Variants in DPYSL2 observed in about 807,000 individuals in gnomAD.
DPYSL2 encodes the protein dihydropyrimidinase-related protein 2.
In DPYSL2, 13 loss-of-function variants were observed where a neutral mutation model predicts 69.9. The ratio of observed to expected loss-of-function variants is 0.19; its 90% CI spans 0.12 to 0.30. The LOEUF is 0.30. DPYSL2 is among the 10% of genes least tolerant of loss of function. The pLI, the probability that DPYSL2 is intolerant of heterozygous loss-of-function variation, is 1.00. For synonymous variants in DPYSL2, 326 were observed against 359.1 expected (o/e 0.91, Z 1.04); for missense variants, 587 against 918.9 (o/e 0.64, Z 4.67).
intron 11 of DPYSL2, among the ~76,000 whole-genome samples, chr8:26,651,623 G>A (rs1320832090): frequency 2.6e-5 from 4 of 152,228 alleles, no homozygotes; most frequent in Admixed American, 2.0e-4. Flanking sequence ...TCCATATGGA[G>A]ACCCCACCTA....
At chr8:26,612,490 C>T (rs1802254010) in intron 3 of DPYSL2, among the ~76,000 whole-genome samples, 1 of 152,204 alleles carries the variant, frequency 6.6e-6, no homozygotes, top group Admixed American at 6.5e-5. Flanking sequence ...GCAAGAATGG[C>T]TCCCATTAAA....
intron 1 of DPYSL2, chr8:26,577,203 C>G (rs896258503): frequency 1.6e-5 from 7 of 432,958 alleles, no homozygotes; most frequent in Non-Finnish European, 2.8e-5. Context: ...GATCCCGTCT[C>G]TGCAGCCTCC....
At chr8:26,625,624 G>A (rs932049219) in intron 4 of DPYSL2, among the ~76,000 whole-genome samples, 6 of 152,170 alleles carry the variant, frequency 3.9e-5, no homozygotes, top group Non-Finnish European at 8.8e-5. Flanking sequence ...TGAGAATTGC[G>A]ACATCTGCTT....
At chr8:26,630,507 C>T (rs1470108310) in intron 7 of DPYSL2, among the ~76,000 whole-genome samples, 1 of 152,188 alleles carries the variant, frequency 6.6e-6, no homozygotes, top group African/African-American at 2.4e-5. Context: ...TTCAAAGCTG[C>T]CTTCATTTAG....
intron 3 of DPYSL2, among the ~76,000 whole-genome samples, chr8:26,601,883 G>T (rs11780147): frequency 0.085 from 12,910 of 152,304 alleles, 758 homozygotes; most frequent in Non-Finnish European, 0.12. Flanking sequence ...GCTCATAGTG[G>T]TGCGAAAGCA....
Position 26,591,725 on chromosome 8 carries a change from G to C in DPYSL2, c.628+7742G>C, listed in dbSNP as rs542624291. 1.3e-5 allele frequency among the ~76,000 whole-genome samples: 2 copies of C among 152,308 alleles called. No homozygotes were observed. Among genetic ancestry groups the C allele is most frequent in the South Asian group, 4.2e-4 (2 of 4,814 alleles). On this transcript the variant is annotated intron_variant, in intron 3 of 13. Transcript: ENST00000521913. The surrounding 1 kb of genome is among the most constrained non-coding windows in gnomAD (Gnocchi z 5.8). ...GAATGGTGGGTGGCAGGTGGGCTGT[G>C]GGGGAGTCCAGATCCTCTCCGCTTT...
chr8:26,646,708 T>G (rs1803172248), intron 10 of DPYSL2, among the ~76,000 whole-genome samples: 1 of 152,132 alleles, frequency 6.6e-6, no homozygotes, highest in Non-Finnish European at 1.5e-5. Context: ...AGATGACATC[T>G]GGCCAGGCAT....
At chr8:26,634,428 CTTTTTTT>C (rs55746168) in intron 7 of DPYSL2, among the ~76,000 whole-genome samples, 1 of 91,146 alleles carries the variant, frequency 1.1e-5, no homozygotes, top group Non-Finnish European at 2.1e-5. Context: ...CCATGCCCAG[CTTTTTTT>C]TTTTTTTTTT....
rs374599797 is a variant in DPYSL2, at chr8:26,597,775, C to CT, written c.628+13812dup. The stretch of plus-strand genomic sequence containing the variant: ...AGGCAAGAGCCACCGCACCTGGCCT[C>CT]TTTTTTTTTTTTTTTTTTTTGAGGG... On this transcript the variant is annotated intron_variant, in intron 3 of 13. Transcript: ENST00000521913. The surrounding 1 kb of genome is among the most constrained non-coding windows in gnomAD (Gnocchi z 5.2). 0.042 allele frequency among the ~76,000 whole-genome samples: 5,326 copies of CT among 127,092 alleles called. 142 individuals carry two copies. The highest frequency in any genetic ancestry group is 0.078 in the South Asian group (302 of 3,860). The allele number at this position is 127,092 out of a possible 152,430, so 83.4% of individuals were successfully genotyped here. A position where few individuals can be genotyped will look rare whatever the true frequency, so the allele number is the denominator to read the frequency against.
At chr8:26,525,232 G>A (rs762154012) in intron 1 of DPYSL2, among the ~76,000 whole-genome samples, 13 of 152,088 alleles carry the variant, frequency 8.5e-5, no homozygotes, top group Non-Finnish European at 1.8e-4. Context: ...TTGTTGGGTT[G>A]TTTTTGAGAC....
At chr8:26,604,803 AG>A (rs1321557467) in intron 3 of DPYSL2, among the ~76,000 whole-genome samples, 4 of 152,008 alleles carry the variant, frequency 2.6e-5, no homozygotes, top group Non-Finnish European at 5.9e-5. Context: ...CTGGGATTGC[AG>A]GCACATGCCA....
intron 1 of DPYSL2, among the ~76,000 whole-genome samples, chr8:26,563,162 G>T (rs62491876): frequency 0.013 from 1,979 of 152,244 alleles, 22 homozygotes; most frequent in Middle Eastern, 0.075. Flanking sequence ...GGATGCCAAA[G>T]AATTTGTGGC....
chr8:26,546,351 C>G (rs1020621054), intron 1 of DPYSL2, among the ~76,000 whole-genome samples: 14 of 152,158 alleles, frequency 9.2e-5, no homozygotes, highest in Admixed American at 2.0e-4. Context: ...TATCTTGCAA[C>G]TTTGCTACAA....
At position 26,624,661 on chromosome 8, in the gene DPYSL2, A is replaced by G. The variant is rs549962707; in HGVS notation, c.793+354A>G. On this transcript the variant is annotated intron_variant, in intron 4 of 13. Transcript: ENST00000521913. The surrounding 1 kb of genome is among the most constrained non-coding windows in gnomAD (Gnocchi z 4.7). ...GAGATTTACCCTCAAAAGATAACAA[A>G]TACATATCTCAGTGAGGATTTGACA... is the stretch of plus-strand genomic sequence containing the variant. 3.9e-5 allele frequency among the ~76,000 whole-genome samples: 6 copies of G among 152,286 alleles called. No individual in the cohort carries two copies. The South Asian group carries it at 1.2e-3, about 32-fold the overall frequency.
chr8:26,625,555 T>G (rs1295481897), intron 4 of DPYSL2, among the ~76,000 whole-genome samples: 1 of 152,306 alleles, frequency 6.6e-6, no homozygotes, highest in South Asian at 2.1e-4. Flanking sequence ...TTGTGATGAA[T>G]GTTGGGCAGG....
chr8:26,556,134 A>AGT (rs1800952279), intron 1 of DPYSL2, among the ~76,000 whole-genome samples: 32 of 2,724 alleles, frequency 0.012, 2 homozygotes, highest in Admixed American at 0.036. Context: ...TATTATATAT[A>AGT]CTATATATAG....
chr8:26,554,998 G>A (rs556510026), intron 1 of DPYSL2, among the ~76,000 whole-genome samples: 4 of 152,078 alleles, frequency 2.6e-5, no homozygotes, highest in South Asian at 2.1e-4. Flanking sequence ...ACATCAGCAC[G>A]CTAAAGAAGA....
At chr8:26,578,144 C>T (rs1801402704) in intron 1 of DPYSL2, 7 of 1,586,978 alleles carry the variant, frequency 4.4e-6, no homozygotes, top group Non-Finnish European at 5.1e-6. Flanking sequence ...GCACCCTTTT[C>T]AATCTTGCAA....
chr8:26,618,469 T>A lies in DPYSL2; in HGVS notation c.629-5674T>A, dbSNP rs564113480. 1.1e-4 allele frequency among the ~76,000 whole-genome samples: 16 copies of A among 145,662 alleles called. No individual in the cohort carries two copies. In the East Asian group the frequency reaches 3.3e-3, roughly 30 times the overall value. On this transcript the variant is annotated intron_variant, in intron 3 of 13. Transcript: ENST00000521913. ...CTGCGACTACAGGCACATAACACCA[T>A]GCCCGGGTAATGTTTTTTTTTTTTT...
Sources: gnomAD v4.1 joint callset for allele counts (sites outside exome capture counted in the v4.1 genomes callset) on GRCh38, gnomAD v4.1.1 for gene constraint, Gnocchi (gnomAD v3.1) non-coding constraint, MANE v1.5 for transcripts, NCBI Gene and HGNC (gene_info 2026-07-23, HGNC 2026-07-21) for gene names.